The following TESK1 variants were observed in gnomAD, a reference collection of about 807,000 sequenced individuals.
TESK1 encodes the protein testis associated actin remodelling kinase 1, also known as dual specificity testis-specific protein kinase 1.
A neutral mutation model predicts 59.9 loss-of-function variants in TESK1; 18 were observed. That is an observed-to-expected ratio of 0.30 (90% CI 0.21 to 0.45). TESK1 has a LOEUF of 0.45. Among genes scored for constraint, TESK1 ranks in the 20% least tolerant of loss-of-function variants. TESK1 has a pLI of 1.00. For synonymous variants in TESK1, 341 were observed against 357.4 expected (o/e 0.95, Z 0.52); for missense variants, 748 against 840.9 (o/e 0.89, Z 1.37).
Position 35,605,751 on chromosome 9 carries a change from C to G in TESK1, c.132C>G (p.Leu44=). 6.2e-7 allele frequency: 1 copy of G among 1,605,954 alleles called. No homozygotes were observed. Among genetic ancestry groups the G allele is most frequent in the South Asian group, 1.1e-5 (1 of 90,148 alleles). Residue 44 remains leucine (L), a synonymous_variant, in exon 1 of 10, where the codon CTC becomes CTG. Transcript: ENST00000336395. Reference sequence around the variant, plus strand: ...GCCGCCCCTCCTCCTACCGGGCTCTCCGCAGCGCCGTGTCTAGCCTGGCGC... The same window carrying G: ...GCCGCCCCTCCTCCTACCGGGCTCTGCGCAGCGCCGTGTCTAGCCTGGCGC... ...GRGRPSSYRA[L]RSAVSSLARV...
Position 35,607,773 on chromosome 9 carries a change from G to A in TESK1, c.711+101G>A. 1 of 1,278,602 alleles carries A rather than the reference G, an allele frequency of 7.8e-7. No individual in the cohort carries two copies. Among genetic ancestry groups the A allele is most frequent in the Admixed American group, 2.0e-5 (1 of 49,158 alleles). 79.2% of individuals were successfully genotyped at this position (1,278,602 alleles called of 1,614,324 possible). A position where few individuals can be genotyped will look rare whatever the true frequency, so the allele number is the denominator to read the frequency against. The stretch of plus-strand genomic sequence containing the variant: ...CAAAACAACCCTACCAGATCTTCAG[G>A]AGTCCCCAAGATCCCTTTGCCCCTC... On this transcript the variant is annotated intron_variant, in intron 6 of 9. Coordinates refer to ENST00000336395, the MANE Select transcript of TESK1 (RefSeq NM_006285.3). The surrounding 1 kb of genome is among the most constrained non-coding windows in gnomAD (Gnocchi z 4.5).
Position 35,607,890 on chromosome 9 carries a change from G to A in TESK1, c.712-38G>A, listed in dbSNP as rs781128547. Reference sequence around the variant, plus strand: ...CTGTCAAAATTCTGAAATGAAAACTGTTAATTCTTCCCCGACACTATTATC... The same window carrying A: ...CTGTCAAAATTCTGAAATGAAAACTATTAATTCTTCCCCGACACTATTATC... On this transcript the variant is annotated intron_variant, in intron 6 of 9. Transcript: ENST00000336395. The surrounding 1 kb of genome is among the most constrained non-coding windows in gnomAD (Gnocchi z 4.5). 8.7e-6 allele frequency: 14 copies of A among 1,605,658 alleles called. No homozygotes were observed. In the Admixed American group the frequency reaches 2.0e-4, roughly 23 times the overall value.
chr9:35,606,897 G>A lies in TESK1; in HGVS notation c.451G>A (p.Val151Ile), dbSNP rs759533351. 6.2e-6 allele frequency: 10 copies of A among 1,613,870 alleles called. No homozygotes were observed. In the East Asian group the frequency reaches 1.6e-4, roughly 25 times the overall value. The change falls in exon 4 of 10, where the codon GTC becomes ATC. Residue 151 changes from valine to isoleucine, a missense_variant. By Grantham distance (29) the Val-to-Ile change is conservative. Coordinates refer to ENST00000336395, the MANE Select transcript of TESK1 (RefSeq NM_006285.3). ...LSSPEPLSWP[V>I]RLHLALDIAR... The stretch of plus-strand genomic sequence containing the variant: ...CTCCCCTGAACCCCTGTCCTGGCCG[G>A]TCAGGCTCCACCTGGCCCTGGACAT...
At position 35,605,764 on chromosome 9, in the gene TESK1, T is replaced by G. The variant is rs754721592; in HGVS notation, c.145T>G (p.Ser49Ala). The change falls in exon 1 of 10, where the codon TCT (serine) becomes GCT (alanine). Residue 49 changes from serine to alanine, a missense_variant. By Grantham distance (99) the Ser-to-Ala change is moderately conservative. This residue lies in a region of TESK1 where 133 missense variants were observed against 117.4 expected (regional missense o/e 1.13). Transcript: ENST00000336395. Reference protein sequence around the residue: ...SSYRALRSAVSSLARVDDFHC... With the variant: ...SSYRALRSAVASLARVDDFHC... ...CTACCGGGCTCTCCGCAGCGCCGTG[T>G]CTAGCCTGGCGCGTGTGGACGATTT... 1 of 1,609,150 alleles carries G rather than the reference T, an allele frequency of 6.2e-7. No homozygotes were observed. The highest frequency in any genetic ancestry group is 2.2e-5 in the East Asian group (1 of 44,734).
At chr9:35,605,962 C>T in intron 1 of TESK1, 22 bp from the exon 2 acceptor site, 1 of 1,612,690 alleles carries the variant, frequency 6.2e-7, no homozygotes, top group Non-Finnish European at 8.5e-7. Flanking sequence ...GCCCGGCCCT[C>T]GCCGGCTGCT....
In TESK1 at chr9:35,609,215, C is replaced by T; in HGVS notation, c.1354C>T (p.Leu452=). The T allele has an allele frequency of 1.2e-6, 2 of 1,614,064 alleles. No homozygotes were observed. The highest frequency in any genetic ancestry group is 1.7e-6 in the Non-Finnish European group (2 of 1,180,046). ...PELPRRMETA[L]PGPGPPAVGP... ...GCTCCCCCGCCGTATGGAGACAGCA[C>T]TGCCAGGTCCTGGCCCTCCCGCTGT... The change falls in exon 10 of 10, where the codon CTG becomes TTG. Residue 452 remains leucine (L), a synonymous_variant. Coordinates refer to ENST00000336395, the MANE Select transcript of TESK1 (RefSeq NM_006285.3). The surrounding 1 kb of genome is among the most constrained non-coding windows in gnomAD (Gnocchi z 6.7).
chr9:35,607,428 T>C lies in TESK1; in HGVS notation c.620+19T>C, dbSNP rs187463866. On this transcript the variant is annotated intron_variant, in intron 5 of 9. Coordinates refer to ENST00000336395, the MANE Select transcript of TESK1 (RefSeq NM_006285.3). The surrounding 1 kb of genome is among the most constrained non-coding windows in gnomAD (Gnocchi z 4.5). The stretch of plus-strand genomic sequence containing the variant: ...TGTATAGGTGAGATGAATGTCCCTG[T>C]TCCCCCCAAATCTCCCAGAGTGCCC... 19 of 1,613,870 alleles carry C rather than the reference T, an allele frequency of 1.2e-5. No homozygotes were observed. The East Asian group carries it at 2.7e-4, about 23-fold the overall frequency.
rs1288045279 is a variant in TESK1 at position 35,608,958 on chromosome 9, A to C, written c.1097A>C (p.Glu366Ala). 2.5e-6 allele frequency: 4 copies of C among 1,613,896 alleles called. No homozygotes were observed. In the East Asian group the frequency reaches 8.9e-5, roughly 36 times the overall value. Residue 366 changes from glutamate (E) to alanine (A), a missense_variant, in exon 10 of 10, where the codon GAA (glutamate) becomes GCA (alanine). Physicochemically the swap from Glu to Ala is moderately radical, Grantham distance 107 (BLOSUM62 -1). Around this residue, in one of 3 missense-constraint regions of TESK1, gnomAD observed 447 missense variants for 466.1 expected, o/e 0.96. Coordinates refer to ENST00000336395, the MANE Select transcript of TESK1 (RefSeq NM_006285.3). ...GACCTCTTCCTGCCCCCATCACCAG[A>C]ATCACCCCCCAACTGGGGGGACAAT... is the stretch of plus-strand genomic sequence containing the variant. ...RSDLFLPPSP[E>A]SPPNWGDNLT...
rs1358922851 is a variant in TESK1, at chr9:35,609,232, T to C, written c.1371T>C (p.Pro457=). ...AGACAGCACTGCCAGGTCCTGGCCCTCCCGCTGTGGGCCCCTCGGCTGAAG... is the reference window on the plus strand; with the variant it reads ...AGACAGCACTGCCAGGTCCTGGCCCCCCCGCTGTGGGCCCCTCGGCTGAAG... ...RMETALPGPG[P]PAVGPSAEEK... The change falls in exon 10 of 10, where the codon CCT becomes CCC. Residue 457 remains proline (P), a synonymous_variant. Transcript: ENST00000336395. The surrounding 1 kb of genome is among the most constrained non-coding windows in gnomAD (Gnocchi z 6.7). The C allele has an allele frequency of 1.2e-6, 2 of 1,613,914 alleles. No individual in the cohort carries two copies. Among genetic ancestry groups the C allele is most frequent in the African/African-American group, 2.7e-5 (2 of 74,908 alleles).
Position 35,607,835 on chromosome 9 carries a change from C to A in TESK1, c.712-93C>A, listed in dbSNP as rs751045957. On this transcript the variant is annotated intron_variant, in intron 6 of 9. Coordinates refer to ENST00000336395, the MANE Select transcript of TESK1 (RefSeq NM_006285.3). The surrounding 1 kb of genome is among the most constrained non-coding windows in gnomAD (Gnocchi z 4.5). The stretch of plus-strand genomic sequence containing the variant: ...TCTAACACATGAAAACTGTCAAGAT[C>A]CCCCACCCTCAACCAAATTCTGCTA... The A allele has an allele frequency of 1.7e-4, 241 of 1,429,212 alleles. No homozygotes were observed. The highest frequency in any genetic ancestry group is 7.3e-5 in the Admixed American group (4 of 54,578). The allele number at this position is 1,429,212 out of a possible 1,614,324, so 88.5% of individuals were successfully genotyped here.
At chr9:35,608,810 G>A in intron 9 of TESK1, 52 bp from the exon 10 acceptor site, 1 of 1,528,766 alleles carries the variant, frequency 6.5e-7, no homozygotes, top group Non-Finnish European at 8.8e-7. Context: ...AGGCCCTCAA[G>A]GAGCTGTGAT....
Position 35,608,463 on chromosome 9 carries a change from G to T in TESK1, c.954G>T (p.Leu318=). 1 of 1,614,156 alleles carries T rather than the reference G, an allele frequency of 6.2e-7. No homozygotes were observed. Among genetic ancestry groups the T allele is most frequent in the Non-Finnish European group, 8.5e-7 (1 of 1,180,026 alleles). The change falls in exon 9 of 10, where the codon CTG becomes CTT. Residue 318 remains leucine, a synonymous_variant. Transcript: ENST00000336395. ...ACCTGGAATGGATCCTGGAGCAGCT[G>T]CCTGAGCCAGCCCCACTCACCAGGA... The part of the protein sequence containing the change: ...TQHLEWILEQ[L]PEPAPLTRTA...
At chr9:35,605,942 C>CGCCCGACCT (rs1822839107) in intron 1 of TESK1, 42 bp from the exon 2 acceptor site, 1 of 1,610,436 alleles carries the variant, frequency 6.2e-7, no homozygotes, top group Admixed American at 1.7e-5. Flanking sequence ...TCCGGCGACC[C>CGCCCGACCT]GCCCGACCTG....
rs1822866741 is a variant in TESK1, at chr9:35,607,173, T to C, written c.538-154T>C. On this transcript the variant is annotated intron_variant, in intron 4 of 9. Transcript: ENST00000336395. This position sits in a 1 kb window ranked among gnomAD's most constrained non-coding sequence, Gnocchi z 4.5. The stretch of plus-strand genomic sequence containing the variant: ...TGAGTAGCACCCTGTGTTTGGAGTG[T>C]TGGATGATGTTGCAATATTGAAGTG... 2 of 1,223,006 alleles carry C rather than the reference T, an allele frequency of 1.6e-6. No homozygotes were observed. Among genetic ancestry groups the C allele is most frequent in the Non-Finnish European group, 2.3e-6 (2 of 864,498 alleles). The allele number at this position is 1,223,006 out of a possible 1,614,324, so 75.8% of individuals were successfully genotyped here.
chr9:35,606,116 C>G lies in TESK1; in HGVS notation c.341+11C>G, dbSNP rs1397512660. On this transcript the variant is annotated intron_variant, in intron 2 of 9. Coordinates refer to ENST00000336395, the MANE Select transcript of TESK1 (RefSeq NM_006285.3). ...CCCCAACATCCTAAGGTGAGCGGCC[C>G]CAGTCTCTGGGCAGCTTGCTGGGCG... 1.2e-6 allele frequency: 2 copies of G among 1,614,122 alleles called. No individual in the cohort carries two copies. The highest frequency in any genetic ancestry group is 2.2e-5 in the East Asian group (1 of 44,856).
In TESK1 at chr9:35,607,792, G is replaced by GCCCCT; in HGVS notation, c.711+122_711+126dup. The GCCCCT allele has an allele frequency of 7.9e-7, 1 of 1,259,688 alleles. No homozygotes were observed. The highest frequency in any genetic ancestry group is 1.1e-6 in the Non-Finnish European group (1 of 887,714). The allele number at this position is 1,259,688 out of a possible 1,614,324, so 78.0% of individuals were successfully genotyped here. ...CTTCAGGAGTCCCCAAGATCCCTTT[G>GCCCCT]CCCCTCACAGGCACCCTTCTAACAC... On this transcript the variant is annotated intron_variant, in intron 6 of 9. Transcript: ENST00000336395. The surrounding 1 kb of genome is among the most constrained non-coding windows in gnomAD (Gnocchi z 4.5).
Position 35,607,432 on chromosome 9 carries a change from C to G in TESK1, c.620+23C>G. 1 of 1,613,654 alleles carries G rather than the reference C, an allele frequency of 6.2e-7. No homozygotes were observed. Among genetic ancestry groups the G allele is most frequent in the Non-Finnish European group, 8.5e-7 (1 of 1,179,616 alleles). ...TAGGTGAGATGAATGTCCCTGTTCCCCCCAAATCTCCCAGAGTGCCCCTAT... is the reference window on the plus strand; with the variant it reads ...TAGGTGAGATGAATGTCCCTGTTCCGCCCAAATCTCCCAGAGTGCCCCTAT... On this transcript the variant is annotated intron_variant, in intron 5 of 9. Coordinates refer to ENST00000336395, the MANE Select transcript of TESK1 (RefSeq NM_006285.3). The surrounding 1 kb of genome is among the most constrained non-coding windows in gnomAD (Gnocchi z 4.5).
chr9:35,605,911 T>G, intron 1 of TESK1, 73 bp downstream of exon 1: 2 of 1,603,276 alleles, frequency 1.2e-6, no homozygotes, highest in African/African-American at 1.4e-5. Flanking sequence ...GGGCCGGGAG[T>G]GCGGGGAAGA....
chr9:35,607,959 G>A lies in TESK1; in HGVS notation c.743G>A (p.Cys248Tyr), dbSNP rs1302105527. Residue 248 changes from cysteine to tyrosine, a missense_variant, in exon 7 of 10, where the codon TGT (cysteine) becomes TAT (tyrosine). Around this residue, in one of 3 missense-constraint regions of TESK1, gnomAD observed 168 missense variants for 257.4 expected, o/e 0.65. Coordinates refer to ENST00000336395, the MANE Select transcript of TESK1 (RefSeq NM_006285.3). This position sits in a 1 kb window ranked among gnomAD's most constrained non-coding sequence, Gnocchi z 4.5. ...GTCTTTGCCTTCGGGATTGTCCTCT[G>A]TGAGCTCATCGCCCGAGTACCTGCA... is the stretch of plus-strand genomic sequence containing the variant. ...ADVFAFGIVL[C>Y]ELIARVPADP... is the part of the protein sequence containing the mutation. The A allele has an allele frequency of 6.2e-7, 1 of 1,614,130 alleles. No individual in the cohort carries two copies. Among genetic ancestry groups the A allele is most frequent in the Non-Finnish European group, 8.5e-7 (1 of 1,180,026 alleles).
Sources: gnomAD v4.1 joint callset for allele counts on GRCh38, gnomAD v4.1.1 for gene constraint, gnomAD v4.1.1 regional missense constraint, Gnocchi (gnomAD v3.1) non-coding constraint, MANE v1.5 for transcripts, NCBI Gene and HGNC (gene_info 2026-07-23, HGNC 2026-07-21) for gene names.